Variants in CDH7 observed in about 807,000 individuals in gnomAD.
CDH7 encodes cadherin-7.
In CDH7, 25 loss-of-function variants were observed where a neutral mutation model predicts 71.8. The ratio of observed to expected loss-of-function variants is 0.35; its 90% confidence interval spans 0.25 to 0.49. The LOEUF is 0.49. Among genes scored for constraint, CDH7 ranks in the 20% least tolerant of loss-of-function variants. The probability of loss-of-function intolerance (pLI) is 0.99; values close to 1 mark genes in which losing one functional copy is unlikely to be tolerated. For synonymous variants in CDH7, 381 were observed against 363.8 expected, an observed-to-expected ratio of 1.05 and a Z score of -0.54; for missense variants, 862 against 974.6, an observed-to-expected ratio of 0.88 and a Z score of 1.54.
At chr18:65,791,151 C>A (rs2143857737) in intron 2 of CDH7, among the ~76,000 whole-genome samples, 1 of 152,110 alleles carries the variant, frequency 6.6e-6, no homozygotes, top group South Asian at 2.1e-4. Context: ...GAAATGACAC[C>A]TTTGTCTTTT....
chr18:65,791,177 T>C (rs1293259684), intron 2 of CDH7, among the ~76,000 whole-genome samples: 3 of 152,232 alleles, frequency 2.0e-5, no homozygotes, highest in Non-Finnish European at 4.4e-5. Flanking sequence ...TTGGTTAGCA[T>C]CTTCATTTGA....
chr18:65,764,665 A>C (rs189868140), intron 2 of CDH7, among the ~76,000 whole-genome samples: 1 of 152,186 alleles, frequency 6.6e-6, no homozygotes. Context: ...GTAATGTATA[A>C]AAGGAAGTAA....
intron 7 of CDH7, among the ~76,000 whole-genome samples, chr18:65,855,024 A>G (rs1913302732): frequency 6.6e-6 from 1 of 151,964 alleles, no homozygotes; most frequent in South Asian, 2.1e-4. Flanking sequence ...CTCACGGTAA[A>G]TGCAGCTATG....
rs772297804 is a variant in CDH7, at chr18:65,880,507, C to G, written c.1971C>G (p.Gly657=). 6.2e-7 allele frequency: 1 copy of G among 1,611,650 alleles called. No homozygotes were observed. The change falls in exon 12 of 12, where the codon GGC becomes GGG. Residue 657 remains glycine, a synonymous_variant. Transcript: ENST00000397968. ...RENIVRYDDE[G]GGEEDTEAFD... The stretch of plus-strand genomic sequence containing the variant: ...ATATTGTGAGATACGATGACGAGGG[C>G]GGGGGAGAGGAGGACACGGAAGCGT...
In CDH7 at chr18:65,880,724, C is replaced by T. The variant is rs1914202774; in HGVS notation, c.2188C>T (p.Leu730=). 3.1e-6 allele frequency: 5 copies of T among 1,613,922 alleles called. No individual in the cohort carries two copies. The African/African-American group carries it at 6.7e-5, about 22-fold the overall frequency. Residue 730 remains leucine, a synonymous_variant, in exon 12 of 12, where the codon CTG becomes TTG. Transcript: ENST00000397968. The part of the protein sequence containing the change: ...VDPGAPPYDS[L]QTYAFEGNGS... Reference sequence around the variant, plus strand: ...TCCTGGTGCTCCTCCTTATGACTCCCTGCAGACATATGCTTTTGAAGGAAA... The same window carrying T: ...TCCTGGTGCTCCTCCTTATGACTCCTTGCAGACATATGCTTTTGAAGGAAA...
chr18:65,832,499 G>A (rs1912386322), intron 6 of CDH7, among the ~76,000 whole-genome samples: 2 of 151,812 alleles, frequency 1.3e-5, no homozygotes, highest in South Asian at 4.2e-4. Context: ...TGTAAATAAT[G>A]GCATAGAGTT....
At chr18:65,752,847 G>T (rs1915923544) in intron 1 of CDH7, among the ~76,000 whole-genome samples, 1 of 152,132 alleles carries the variant, frequency 6.6e-6, no homozygotes, top group Non-Finnish European at 1.5e-5. Context: ...AGCTATTAAG[G>T]TTTGCAGCTT....
chr18:65,882,247 G>GT lies in CDH7; in HGVS notation c.*1356dup, dbSNP rs1489580023. The GT allele has an allele frequency of 6.6e-6, 1 of 152,132 alleles. No individual in the cohort carries two copies. Among genetic ancestry groups the GT allele is most frequent in the African/African-American group, 2.4e-5 (1 of 41,452 alleles). The allele number at this position is 152,132 out of a possible 1,614,324, so 9.4% of individuals were successfully genotyped here. ...GGAAGGCAATTGCAAGTCATCATGT[G>GT]TTTAAGTTTGAGTTGAGCTTGTTAG... On this transcript the variant is annotated 3_prime_UTR_variant, in exon 12 of 12. Transcript: ENST00000397968.
At chr18:65,781,868 C>CCT (rs1910244748) in intron 2 of CDH7, among the ~76,000 whole-genome samples, 1 of 65,590 alleles carries the variant, frequency 1.5e-5, no homozygotes, top group African/African-American at 5.5e-5. Flanking sequence ...CTTTCTTTCT[C>CCT]TCTCTCTCTC....
chr18:65,800,595 A>G lies in CDH7; in HGVS notation c.211-9109A>G, dbSNP rs80255269. Among the ~76,000 whole-genome samples the G allele has an allele frequency of 8.3e-3, 1,267 of 152,300 alleles. 14 individuals carry two copies. The highest frequency in any genetic ancestry group is 0.029 in the African/African-American group (1,194 of 41,542). On this transcript the variant is annotated intron_variant, in intron 2 of 11. Coordinates refer to ENST00000397968, the MANE Select transcript of CDH7 (RefSeq NM_004361.5). ...TTTAACCAACATCCCACTTGATGTT[A>G]GAAACTAGAAACCTACATACTAAAT...
At chr18:65,759,473 C>G (rs536199789) in intron 1 of CDH7, among the ~76,000 whole-genome samples, 1 of 151,148 alleles carries the variant, frequency 6.6e-6, no homozygotes. Flanking sequence ...AGGATGGTCT[C>G]GATCTCCTGA....
intron 2 of CDH7, among the ~76,000 whole-genome samples, chr18:65,788,129 T>C (rs565135092): frequency 1.4e-4 from 22 of 152,282 alleles, no homozygotes; most frequent in Non-Finnish European, 2.8e-4. Context: ...TAATCAGGAA[T>C]TGATTCAAGT....
At position 65,809,898 on chromosome 18, in the gene CDH7, C is replaced by G. The variant is rs551887802; in HGVS notation, c.405C>G (p.Pro135=). 1.9e-6 allele frequency: 3 copies of G among 1,613,894 alleles called. No homozygotes were observed. The highest frequency in any genetic ancestry group is 1.6e-4 in the Middle Eastern group (1 of 6,062). The change falls in exon 3 of 12, where the codon CCC becomes CCG. Residue 135 remains proline, a synonymous_variant. Transcript: ENST00000397968. The stretch of plus-strand genomic sequence containing the variant: ...GGCTCACCAACAAACCCGTGGAGCC[C>G]GAGTCGGAGTTTGTCATCAAAATTC... The part of the protein sequence containing the change: ...LDRLTNKPVE[P]ESEFVIKIQD...
At chr18:65,840,294 T>G (rs923723837) in intron 6 of CDH7, among the ~76,000 whole-genome samples, 6 of 152,194 alleles carry the variant, frequency 3.9e-5, no homozygotes, top group Non-Finnish European at 8.8e-5. Context: ...ACTTGATGTA[T>G]GAAAAAGTAT....
Position 65,866,559 on chromosome 18 carries a change from G to A in CDH7, c.1864+3642G>A, listed in dbSNP as rs114487762. Among the ~76,000 whole-genome samples the A allele has an allele frequency of 8.0e-3, 1,218 of 152,238 alleles. 16 individuals are homozygous for A. Among genetic ancestry groups the A allele is most frequent in the African/African-American group, 0.028 (1,151 of 41,542 alleles). ...AAACCTTACAGAGGGAAAACTTGAG[G>A]TGTAGGGTAAGTTCGAGGGTTTGTA... On this transcript the variant is annotated intron_variant, in intron 11 of 11. Coordinates refer to ENST00000397968, the MANE Select transcript of CDH7 (RefSeq NM_004361.5).
At chr18:65,845,209 G>T (rs2143995301) in intron 7 of CDH7, among the ~76,000 whole-genome samples, 1 of 151,064 alleles carries the variant, frequency 6.6e-6, no homozygotes, top group Admixed American at 6.6e-5. Context: ...GTATATATAT[G>T]TATATATATA....
At chr18:65,766,982 G>T (rs1232240845) in intron 2 of CDH7, among the ~76,000 whole-genome samples, 2 of 143,128 alleles carry the variant, frequency 1.4e-5, no homozygotes, top group African/African-American at 5.1e-5. Context: ...TTTCCTAACC[G>T]TAATGGGATG....
intron 7 of CDH7, among the ~76,000 whole-genome samples, chr18:65,848,938 T>C (rs1913031220): frequency 1.3e-5 from 2 of 152,152 alleles, no homozygotes; most frequent in African/African-American, 4.8e-5. Flanking sequence ...TGTGAACATA[T>C]TTGGGGTGTT....
intron 1 of CDH7, among the ~76,000 whole-genome samples, chr18:65,758,852 C>T (rs1467040292): frequency 1.3e-5 from 2 of 152,058 alleles, no homozygotes; most frequent in Non-Finnish European, 2.9e-5. Context: ...AAATGGTTTC[C>T]GAATGTCAAT....
Sources: allele counts gnomAD v4.1 joint callset (sites outside exome capture counted in the v4.1 genomes callset), GRCh38; gene constraint gnomAD v4.1.1; transcripts MANE v1.5; gene names NCBI Gene and HGNC (gene_info 2026-07-23, HGNC 2026-07-21).